The following CDH13 variants were observed in gnomAD, a reference collection of about 807,000 sequenced individuals.
CDH13 encodes cadherin 13, also known as cadherin-13.
CDH13 carries 24 observed loss-of-function variants against 63.8 expected under a neutral mutation model. That is an observed-to-expected ratio of 0.38 (90% CI 0.27 to 0.53). The LOEUF (loss-of-function observed/expected upper bound fraction) is 0.53, where lower values mean the gene tolerates loss of function less well. Among genes scored for constraint, CDH13 ranks in the 20% least tolerant of loss-of-function variants. The pLI is 0.85. For missense variants in CDH13, 1,049 were observed against 903.1 expected, an observed-to-expected ratio of 1.16 and a Z score of -2.07; for synonymous variants, 503 against 355.3, an observed-to-expected ratio of 1.42 and a Z score of -4.67.
chr16:82,716,682 C>G (rs2032395570), intron 1 of CDH13, among the ~76,000 whole-genome samples: 1 of 150,302 alleles, frequency 6.7e-6, no homozygotes, highest in Non-Finnish European at 1.5e-5. Flanking sequence ...AGGGGGGTGA[C>G]TAGTTGTTTT....
At chr16:83,156,606 C>T (rs550225805) in intron 4 of CDH13, among the ~76,000 whole-genome samples, 9 of 152,288 alleles carry the variant, frequency 5.9e-5, no homozygotes, top group African/African-American at 1.2e-4. Context: ...AGATAAAAGG[C>T]ACCATGGGCA....
At chr16:82,844,706 C>T (rs1179759665) in intron 1 of CDH13, 1 of 131,994 alleles carries the variant, frequency 7.6e-6, no homozygotes, top group East Asian at 2.3e-4. Flanking sequence ...GTGATGCTAT[C>T]TCGGCTCACT....
At chr16:83,716,087 C>A (rs1908853033) in intron 10 of CDH13, among the ~76,000 whole-genome samples, 1 of 152,030 alleles carries the variant, frequency 6.6e-6, no homozygotes, top group Admixed American at 6.6e-5. Context: ...TTAGACTTGC[C>A]CACTTTTTTG....
At chr16:83,646,370 G>C (rs1201410323) in intron 8 of CDH13, among the ~76,000 whole-genome samples, 2 of 152,150 alleles carry the variant, frequency 1.3e-5, no homozygotes, top group African/African-American at 4.8e-5. Context: ...TAAGCTTTCT[G>C]TTGCTGCCGT....
intron 3 of CDH13, among the ~76,000 whole-genome samples, chr16:83,087,405 C>T (rs1401903678): frequency 6.6e-6 from 1 of 152,094 alleles, no homozygotes; most frequent in Non-Finnish European, 1.5e-5. Flanking sequence ...CACGGTGGCT[C>T]ACGCCTGTAA....
intron 4 of CDH13, among the ~76,000 whole-genome samples, chr16:83,194,604 A>G (rs1474095617): frequency 6.6e-6 from 1 of 152,244 alleles, no homozygotes; most frequent in African/African-American, 2.4e-5. Flanking sequence ...AGGCTGGTCA[A>G]TTTGTCCTTT....
chr16:83,544,291 G>T (rs1465293564), intron 7 of CDH13, among the ~76,000 whole-genome samples: 3 of 152,136 alleles, frequency 2.0e-5, no homozygotes, highest in Admixed American at 6.5e-5. Context: ...TTGAGTCTGT[G>T]ATTTTAATCC....
Position 83,646,148 on chromosome 16 carries a change from C to G in CDH13, c.1102-24642C>G, listed in dbSNP as rs114474580. On this transcript the variant is annotated intron_variant, in intron 8 of 13. Transcript: ENST00000567109. Reference sequence around the variant, plus strand: ...CACCAGGTAGGGTTGCACATAGACTCTAGACTCAGACCAACCGGGGTCTGA... The same window carrying G: ...CACCAGGTAGGGTTGCACATAGACTGTAGACTCAGACCAACCGGGGTCTGA... 4.9e-3 allele frequency among the ~76,000 whole-genome samples: 749 copies of G among 152,216 alleles called. 9 individuals carry two copies. Among genetic ancestry groups the G allele is most frequent in the African/African-American group, 0.017 (712 of 41,532 alleles).
chr16:83,026,210 A>G (rs369080659), intron 2 of CDH13, among the ~76,000 whole-genome samples: 14 of 152,220 alleles, frequency 9.2e-5, no homozygotes, highest in Non-Finnish European at 1.5e-4. Flanking sequence ...GGTTTGTGAG[A>G]TGCCCAAGGG....
intron 2 of CDH13, among the ~76,000 whole-genome samples, chr16:82,972,602 G>T (rs1908925300): frequency 6.6e-6 from 1 of 152,192 alleles, no homozygotes; most frequent in South Asian, 2.1e-4. Context: ...AGCTGGGACG[G>T]AAAATGCATA....
intron 5 of CDH13, among the ~76,000 whole-genome samples, chr16:83,263,886 T>TAA (rs940449123): frequency 2.6e-5 from 4 of 151,106 alleles, no homozygotes; most frequent in Non-Finnish European, 2.9e-5. Context: ...CTGAATTTTT[T>TAA]AAAAAAAATA....
chr16:82,828,083 A>T (rs752193643), intron 1 of CDH13, among the ~76,000 whole-genome samples: 10 of 152,082 alleles, frequency 6.6e-5, no homozygotes, highest in Non-Finnish European at 1.0e-4. Flanking sequence ...CACTTTCTGG[A>T]TGGGTTGAGT....
chr16:83,628,268 G>C (rs1910495895), intron 8 of CDH13, among the ~76,000 whole-genome samples: 1 of 152,124 alleles, frequency 6.6e-6, no homozygotes, highest in African/African-American at 2.4e-5. Flanking sequence ...TACCATGCCA[G>C]GCTAATTTTG....
intron 5 of CDH13, among the ~76,000 whole-genome samples, chr16:83,240,972 A>G (rs1029256880): frequency 6.6e-6 from 1 of 152,124 alleles, no homozygotes; most frequent in South Asian, 2.1e-4. Flanking sequence ...TATACCCATT[A>G]AACACTAATT....
intron 7 of CDH13, among the ~76,000 whole-genome samples, chr16:83,493,835 G>C (rs982488300): frequency 1.3e-5 from 2 of 152,224 alleles, no homozygotes; most frequent in Non-Finnish European, 1.5e-5. Flanking sequence ...CTAAAGGAGA[G>C]ATCGTCAGTG....
At chr16:83,350,366 C>G (rs2151374323) in intron 6 of CDH13, among the ~76,000 whole-genome samples, 1 of 152,314 alleles carries the variant, frequency 6.6e-6, no homozygotes, top group Admixed American at 6.5e-5. Flanking sequence ...GCATGACTGA[C>G]AAAGATGAAT....
At chr16:83,705,870 C>G (rs184879991) in intron 10 of CDH13, among the ~76,000 whole-genome samples, 61 of 152,304 alleles carry the variant, frequency 4.0e-4, no homozygotes, top group African/African-American at 1.3e-3. Context: ...CCCATCCTAA[C>G]TTAAATTTTA....
chr16:83,388,043 G>A (rs1253522894), intron 6 of CDH13, among the ~76,000 whole-genome samples: 2 of 152,108 alleles, frequency 1.3e-5, no homozygotes, highest in African/African-American at 4.8e-5. Context: ...AGACCTCCTA[G>A]ACATGACACC....
intron 1 of CDH13, among the ~76,000 whole-genome samples, chr16:82,739,930 A>G (rs2033854570): frequency 6.6e-6 from 1 of 152,186 alleles, no homozygotes; most frequent in Non-Finnish European, 1.5e-5. Flanking sequence ...AAATTATGTC[A>G]AACACATAGA....
Sources: gnomAD v4.1 joint callset for allele counts (sites outside exome capture counted in the v4.1 genomes callset) on GRCh38, gnomAD v4.1.1 for gene constraint, MANE v1.5 for transcripts, NCBI Gene and HGNC (gene_info 2026-07-23, HGNC 2026-07-21) for gene names.